The following ZC3H12B variants were observed in gnomAD, a reference collection of about 807,000 sequenced individuals.
ZC3H12B encodes the protein probable ribonuclease ZC3H12B.
In ZC3H12B, 7 loss-of-function variants were observed where a neutral mutation model predicts 43.9. The ratio of observed to expected loss-of-function variants is 0.16; its 90% CI spans 0.09 to 0.30. ZC3H12B has a LOEUF of 0.30. ZC3H12B is among the 10% of genes least tolerant of loss of function. ZC3H12B has a pLI of 1.00. For missense variants in ZC3H12B, 475 were observed against 670.2 expected, an observed-to-expected ratio of 0.71 and a Z score of 3.22; for synonymous variants, 222 against 241.7, an observed-to-expected ratio of 0.92 and a Z score of 0.76.
chrX:65,129,729 T>C, the ZC3H12B span, among the ~76,000 whole-genome samples: 1 of 110,065 alleles, frequency 9.1e-6, no homozygotes, highest in Non-Finnish European at 1.9e-5. Context: ...TAACATAAAA[T>C]AGTGTTGAAG....
At chrX:65,356,976 C>A in the ZC3H12B span, 14 of 482,429 alleles carry the variant, frequency 2.9e-5, no homozygotes, top group Non-Finnish European at 4.6e-5. Context: ...TGTGATCCAA[C>A]ATATTCCTCT....
At chrX:65,399,504 T>G (rs755394494) in intron 3 of ZC3H12B, among the ~76,000 whole-genome samples, 1 of 111,829 alleles carries the variant, frequency 8.9e-6, no homozygotes, top group East Asian at 2.8e-4. Context: ...TCAATTAAAA[T>G]GACTTTTATT....
the ZC3H12B span, among the ~76,000 whole-genome samples, chrX:65,146,268 T>A: frequency 8.9e-6 from 1 of 111,757 alleles, no homozygotes; most frequent in Non-Finnish European, 1.9e-5. Flanking sequence ...ACAGGTATAA[T>A]TCTATTGCTG....
the ZC3H12B span, among the ~76,000 whole-genome samples, chrX:65,157,332 G>A: frequency 5.4e-5 from 6 of 112,023 alleles, no homozygotes; most frequent in Admixed American, 9.5e-5. Flanking sequence ...AATAAGATAT[G>A]CTCAACATCT....
the ZC3H12B span, among the ~76,000 whole-genome samples, chrX:65,174,606 T>A: frequency 8.9e-6 from 1 of 112,006 alleles, no homozygotes; most frequent in Admixed American, 9.5e-5. Flanking sequence ...GGCACTGTGG[T>A]CACAGCCGCT....
chrX:65,458,062 T>TAAA (rs56840636), intron 3 of ZC3H12B, among the ~76,000 whole-genome samples: 190 of 15,847 alleles, frequency 0.012, 4 homozygotes, highest in African/African-American at 0.043. Flanking sequence ...GAATGATCAA[T>TAAA]AAAAAAAAAA....
chrX:65,279,064 T>C, the ZC3H12B span, among the ~76,000 whole-genome samples: 1 of 111,186 alleles, frequency 9.0e-6, no homozygotes, highest in Non-Finnish European at 1.9e-5. Flanking sequence ...TTTAGATTGA[T>C]TCCATTCCTT....
At chrX:65,191,441 G>A in the ZC3H12B span, among the ~76,000 whole-genome samples, 1 of 99,739 alleles carries the variant, frequency 1.0e-5, no homozygotes, top group Non-Finnish European at 2.0e-5. Flanking sequence ...GACTCTTTTT[G>A]GTTGGTAAAC....
the ZC3H12B span, among the ~76,000 whole-genome samples, chrX:65,202,403 C>G: frequency 9.3e-6 from 1 of 107,685 alleles, no homozygotes; most frequent in Non-Finnish European, 1.9e-5. Context: ...TTCAAAGGCA[C>G]TTGGTTGTTG....
the ZC3H12B span, among the ~76,000 whole-genome samples, chrX:65,113,820 A>G: frequency 9.4e-5 from 10 of 106,603 alleles, no homozygotes; most frequent in African/African-American, 3.3e-4. Flanking sequence ...TAAGGTATGT[A>G]CATTTCTAGA....
At chrX:65,306,516 G>T in the ZC3H12B span, among the ~76,000 whole-genome samples, 2 of 110,790 alleles carry the variant, frequency 1.8e-5, no homozygotes, top group Non-Finnish European at 3.8e-5. Flanking sequence ...GGGACTACAG[G>T]CACACGCTGC....
the ZC3H12B span, among the ~76,000 whole-genome samples, chrX:65,097,484 G>A: frequency 2.7e-5 from 3 of 111,535 alleles, no homozygotes; most frequent in Admixed American, 9.6e-5. Context: ...GGCAGAAAAT[G>A]TTATATACAG....
chrX:65,105,364 A>T, the ZC3H12B span, among the ~76,000 whole-genome samples: 2 of 111,213 alleles, frequency 1.8e-5, no homozygotes, highest in Non-Finnish European at 3.8e-5. Flanking sequence ...GGCACATGTA[A>T]ATCTATGTAA....
At chrX:65,426,416 A>C (rs1212390933) in intron 3 of ZC3H12B, among the ~76,000 whole-genome samples, 2 of 96,541 alleles carry the variant, frequency 2.1e-5, no homozygotes, top group South Asian at 8.8e-4. Context: ...AAAAAAAAAA[A>C]CACAGCTCCT....
chrX:65,146,028 C>G, the ZC3H12B span, among the ~76,000 whole-genome samples: 3 of 111,450 alleles, frequency 2.7e-5, no homozygotes, highest in East Asian at 8.5e-4. Context: ...ATGTCTAGGT[C>G]TCTAGCAAGT....
At chrX:65,080,519 A>C in the ZC3H12B span, among the ~76,000 whole-genome samples, 1 of 111,456 alleles carries the variant, frequency 9.0e-6, no homozygotes, top group Non-Finnish European at 1.9e-5. Context: ...GGAATGTCAA[A>C]ATATCTGGCA....
the ZC3H12B span, among the ~76,000 whole-genome samples, chrX:65,353,106 C>A: frequency 1.8e-5 from 2 of 111,183 alleles, no homozygotes; most frequent in African/African-American, 6.5e-5. Flanking sequence ...ATCTGCCCCC[C>A]CGGCCTCCTT....
the ZC3H12B span, among the ~76,000 whole-genome samples, chrX:65,150,099 A>T: frequency 9.0e-6 from 1 of 110,528 alleles, no homozygotes; most frequent in African/African-American, 3.3e-5. Context: ...TAATTAGTTG[A>T]GAAGTCCTTT....
the ZC3H12B span, among the ~76,000 whole-genome samples, chrX:65,322,156 C>T: frequency 9.0e-6 from 1 of 111,528 alleles, no homozygotes; most frequent in Non-Finnish European, 1.9e-5. Flanking sequence ...ATGCAAGGAT[C>T]ACATGGTGAG....
Sources: gnomAD v4.1 joint callset for allele counts (sites outside exome capture counted in the v4.1 genomes callset) on GRCh38, gnomAD v4.1.1 for gene constraint, MANE v1.5 for transcripts, NCBI Gene and HGNC (gene_info 2026-07-23, HGNC 2026-07-21) for gene names.